GMFB: variants seen among roughly 807,000 people sequenced by gnomAD.
GMFB encodes glia maturation factor beta.
Under a neutral mutation model 25.6 loss-of-function variants are expected in GMFB, and 13 were observed. The observed-to-expected ratio is 0.51, with a 90% CI of 0.33 to 0.81. The LOEUF (loss-of-function observed/expected upper bound fraction) is 0.81. GMFB is among the 30% of genes least tolerant of loss of function. GMFB has a pLI of 0.02. For missense variants in GMFB, 146 were observed against 175.4 expected, an observed-to-expected ratio of 0.83 and a Z score of 0.95; for synonymous variants, 57 against 56.9, an observed-to-expected ratio of 1.00 and a Z score of 0.00.
intron 1 of GMFB, among the ~76,000 whole-genome samples, chr14:54,484,645 A>T (rs918332529): frequency 5.3e-5 from 8 of 152,320 alleles, no homozygotes; most frequent in African/African-American, 1.9e-4. Context: ...CTATTCAAAA[A>T]AATTGAAGGG....
chr14:54,478,162 T>TAAA lies in GMFB; in HGVS notation c.358-4_358-3insTTT. 9 of 1,218,866 alleles carry TAAA rather than the reference T, an allele frequency of 7.4e-6. No individual in the cohort carries two copies. Among genetic ancestry groups the TAAA allele is most frequent in the Admixed American group, 3.0e-5 (1 of 33,140 alleles). 75.5% of individuals were successfully genotyped at this position (1,218,866 alleles called of 1,614,324 possible). A position where few individuals can be genotyped will look rare whatever the true frequency, so the allele number is the denominator to read the frequency against. ...TCGGTATTTCTTATTTCAAATACCT[T>TAAA]TAAAAAAAAAAAAAACTTGGGTCAT... On this transcript the variant is annotated splice_polypyrimidine_tract_variant and splice_region_variant and intron_variant, in intron 6 of 6. Transcript: ENST00000358056.
Position 54,481,009 on chromosome 14 carries a change from C to G in GMFB, c.201-53G>C, listed in dbSNP as rs750965291. The G allele has an allele frequency of 2.2e-4, 181 of 821,962 alleles. No homozygotes were observed. In the African/African-American group the frequency reaches 2.8e-3, roughly 13 times the overall value. 50.9% of individuals were successfully genotyped at this position (821,962 alleles called of 1,614,324 possible). On this transcript the variant is annotated intron_variant, in intron 4 of 6. Transcript: ENST00000358056. ...TTACTGCTCTCAGACAGGTATTTAC[C>G]AACACCTGGGGAGCTACTGAGCTGC...
intron 2 of GMFB, 93 bp downstream of exon 2, chr14:54,483,578 A>G (rs986158807): frequency 2.9e-6 from 2 of 680,218 alleles, no homozygotes; most frequent in Admixed American, 2.8e-5. Flanking sequence ...AGGAAGTAAC[A>G]TTGCTTTCCA....
intron 2 of GMFB, among the ~76,000 whole-genome samples, chr14:54,482,542 T>C (rs554852855): frequency 2.0e-5 from 3 of 152,308 alleles, no homozygotes; most frequent in African/African-American, 7.2e-5. Flanking sequence ...CTGTAACTGA[T>C]TGGTCTATAT....
In GMFB at chr14:54,476,991, A is replaced by T. The variant is rs1482034110; in HGVS notation, c.*1097T>A. 1 of 151,986 alleles carries T rather than the reference A, an allele frequency of 6.6e-6. No homozygotes were observed. Among genetic ancestry groups the T allele is most frequent in the East Asian group, 1.9e-4 (1 of 5,198 alleles). The allele number at this position is 151,986 out of a possible 1,614,324, so 9.4% of individuals were successfully genotyped here. On this transcript the variant is annotated 3_prime_UTR_variant, in exon 7 of 7. Transcript: ENST00000358056. ...TATCTTCTGACATTTAGGATATAAG[A>T]TGTGATTGCTATTGAAGTGTTAATG...
At position 54,477,845 on chromosome 14, in the gene GMFB, A is replaced by G. The variant is rs1301650392; in HGVS notation, c.*243T>C. On this transcript the variant is annotated 3_prime_UTR_variant, in exon 7 of 7. Coordinates refer to ENST00000358056, the MANE Select transcript of GMFB (RefSeq NM_004124.3). ...TATAGAAATTAGTCACAAGAGTGCA[A>G]AAAGTCCCTGGAGAAAAGTAGTCCA... 5.8e-6 allele frequency: 2 copies of G among 345,916 alleles called. No individual in the cohort carries two copies. The highest frequency in any genetic ancestry group is 1.1e-5 in the Non-Finnish European group (2 of 188,752). The allele number at this position is 345,916 out of a possible 1,614,324, so 21.4% of individuals were successfully genotyped here. A position where few individuals can be genotyped will look rare whatever the true frequency, so the allele number is the denominator to read the frequency against.
intron 6 of GMFB, chr14:54,479,137 TGAAAG>T (rs1418551128): frequency 6.6e-6 from 1 of 152,096 alleles, no homozygotes; most frequent in African/African-American, 2.4e-5. Context: ...AAATAAAACT[TGAAAG>T]GAAATACTGT....
chr14:54,479,859 C>G lies in GMFB; in HGVS notation c.284G>C (p.Gly95Ala). The change falls in exon 6 of 7, where the codon GGA becomes GCA. Residue 95 changes from glycine to alanine, a missense_variant and splice_region_variant. By Grantham distance (60) the Gly-to-Ala change is moderately conservative. Transcript: ENST00000358056. The stretch of plus-strand genomic sequence containing the variant: ...CATCATCTGTTGTTCAGGCTTACAT[C>G]CTGGAAAAGAGAGATTAGTGTAGAA... ...PLCFIFSSPV[G>A]CKPEQQMMYA... is the part of the protein sequence containing the mutation. 1 of 1,585,272 alleles carries G rather than the reference C, an allele frequency of 6.3e-7. No homozygotes were observed. The highest frequency in any genetic ancestry group is 8.7e-7 in the Non-Finnish European group (1 of 1,154,434).
chr14:54,477,306 C>G lies in GMFB; in HGVS notation c.*782G>C, dbSNP rs2031653033. 1 of 152,378 alleles carries G rather than the reference C, an allele frequency of 6.6e-6. No individual in the cohort carries two copies. The highest frequency in any genetic ancestry group is 2.4e-5 in the African/African-American group (1 of 41,400). 9.4% of individuals were successfully genotyped at this position (152,378 alleles called of 1,614,324 possible). On this transcript the variant is annotated 3_prime_UTR_variant, in exon 7 of 7. Coordinates refer to ENST00000358056, the MANE Select transcript of GMFB (RefSeq NM_004124.3). Reference sequence around the variant, plus strand: ...TAACAAATCAAAGGCACAGTATTAACACATTTAAAATAATTAGTGTTCACA... The same window carrying G: ...TAACAAATCAAAGGCACAGTATTAAGACATTTAAAATAATTAGTGTTCACA...
chr14:54,482,110 T>C (rs1261386242), intron 3 of GMFB, 43 bp downstream of exon 3: 4 of 1,234,666 alleles, frequency 3.2e-6, no homozygotes, highest in Non-Finnish European at 4.8e-6. Flanking sequence ...TGAGAAATAA[T>C]AATTACTTAA....
At position 54,477,264 on chromosome 14, in the gene GMFB, TAAAC is replaced by T. The variant is rs1241276838; in HGVS notation, c.*820_*823del. 6.6e-6 allele frequency: 1 copy of T among 152,592 alleles called. No homozygotes were observed. Among genetic ancestry groups the T allele is most frequent in the Admixed American group, 6.5e-5 (1 of 15,270 alleles). 9.5% of individuals were successfully genotyped at this position (152,592 alleles called of 1,614,324 possible). ...TGGAATACTGGCAGTGTAAAAGTCT[TAAAC>T]TAACTTTAAAGCTAACAAATCAAAG... On this transcript the variant is annotated 3_prime_UTR_variant, in exon 7 of 7. Transcript: ENST00000358056.
chr14:54,482,698 T>A (rs1209492522), intron 2 of GMFB, among the ~76,000 whole-genome samples: 1 of 152,198 alleles, frequency 6.6e-6, no homozygotes, highest in African/African-American at 2.4e-5. Flanking sequence ...AGAAGTGATA[T>A]CTACATTCAA....
At chr14:54,482,034 T>C (rs2031717631) in intron 3 of GMFB, 119 bp downstream of exon 3, 2 of 667,552 alleles carry the variant, frequency 3.0e-6, no homozygotes, top group Non-Finnish European at 5.4e-6. Context: ...TTATGCATAA[T>C]GAGCATGTAT....
At chr14:54,481,986 A>G (rs1280693244) in intron 3 of GMFB, 167 bp downstream of exon 3, 12 of 583,262 alleles carry the variant, frequency 2.1e-5, no homozygotes, top group Non-Finnish European at 3.4e-5. Context: ...AGGTAGTTAA[A>G]TTAGCAATAT....
In GMFB at chr14:54,475,797, A is replaced by C. The variant is rs777986212; in HGVS notation, c.*2291T>G. On this transcript the variant is annotated 3_prime_UTR_variant, in exon 7 of 7. Coordinates refer to ENST00000358056, the MANE Select transcript of GMFB (RefSeq NM_004124.3). ...CCACGAAGGAGGATCCCAGGAAAAA[A>C]GTTGCTGCTAAAAAGGACTCAGATT... The C allele has an allele frequency of 1.3e-5, 2 of 152,496 alleles. No homozygotes were observed. Among genetic ancestry groups the C allele is most frequent in the African/African-American group, 2.4e-5 (1 of 41,452 alleles). 9.4% of individuals were successfully genotyped at this position (152,496 alleles called of 1,614,324 possible). A position where few individuals can be genotyped will look rare whatever the true frequency, so the allele number is the denominator to read the frequency against.
At chr14:54,487,428 G>T (rs547126035) in intron 1 of GMFB, among the ~76,000 whole-genome samples, 36 of 152,224 alleles carry the variant, frequency 2.4e-4, no homozygotes, top group African/African-American at 8.7e-4. Flanking sequence ...CCAGCTACTC[G>T]GGAGGCTGAG....
intron 2 of GMFB, 113 bp downstream of exon 2, chr14:54,483,558 A>G (rs1054741750): frequency 9.4e-6 from 6 of 638,228 alleles, no homozygotes; most frequent in Non-Finnish European, 1.4e-5. Flanking sequence ...GTGGTGGGGA[A>G]ATGAAACAGA....
rs2031612860 is a variant in GMFB at position 54,474,651 on chromosome 14, C to T, written c.*3437G>A. ...GATGACAGAGAACTGTTAAAATTCA[C>T]AAGACTAAACCATTAATGTTTCAAG... is the stretch of plus-strand genomic sequence containing the variant. On this transcript the variant is annotated 3_prime_UTR_variant, in exon 7 of 7. Transcript: ENST00000358056. 1 of 152,608 alleles carries T rather than the reference C, an allele frequency of 6.6e-6. No individual in the cohort carries two copies. Among genetic ancestry groups the T allele is most frequent in the African/African-American group, 2.4e-5 (1 of 41,442 alleles). The allele number at this position is 152,608 out of a possible 1,614,324, so 9.5% of individuals were successfully genotyped here. A position where few individuals can be genotyped will look rare whatever the true frequency, so the allele number is the denominator to read the frequency against.
Position 54,486,902 on chromosome 14 carries a change from TGTGA to T in GMFB, c.3+2019_3+2022del, listed in dbSNP as rs138563188. 4.4e-3 allele frequency among the ~76,000 whole-genome samples: 641 copies of T among 147,242 alleles called. 4 individuals carry two copies. The highest frequency in any genetic ancestry group is 0.016 in the African/African-American group (619 of 39,822). ...TTGGATATTGGGGGTGGGGGTGGGG[TGTGA>T]GTAAGCAAAAAAAAGGGTTACCAGA... On this transcript the variant is annotated intron_variant, in intron 1 of 6. Coordinates refer to ENST00000358056, the MANE Select transcript of GMFB (RefSeq NM_004124.3).
Sources: allele counts gnomAD v4.1 joint callset (sites outside exome capture counted in the v4.1 genomes callset), GRCh38; gene constraint gnomAD v4.1.1; transcripts MANE v1.5; gene names NCBI Gene and HGNC (gene_info 2026-07-23, HGNC 2026-07-21).